The following FAR2 variants were observed in gnomAD, a reference collection of about 807,000 sequenced individuals.
FAR2 encodes epididymis secretory protein Li 81.
FAR2 carries 19 observed loss-of-function variants against 56.0 expected under a neutral mutation model. That is an observed-to-expected ratio of 0.34 (90% CI 0.24 to 0.50). FAR2 has a LOEUF of 0.50. FAR2 is among the 20% of genes least tolerant of loss of function. FAR2 has a pLI of 0.98. For synonymous variants in FAR2, 219 were observed against 218.8 expected (o/e 1.00, Z -0.01); for missense variants, 508 against 642.2 (o/e 0.79, Z 2.26).
intron 1 of FAR2, among the ~76,000 whole-genome samples, chr12:29,234,346 G>A (rs1947903222): frequency 6.6e-6 from 1 of 152,066 alleles, no homozygotes; most frequent in Non-Finnish European, 1.5e-5. Context: ...CAGCACCTGT[G>A]TACTTATCTT....
At chr12:29,189,880 G>A (rs1326596727) in intron 1 of FAR2, among the ~76,000 whole-genome samples, 1 of 152,168 alleles carries the variant, frequency 6.6e-6, no homozygotes, top group African/African-American at 2.4e-5. Context: ...TTTGAATTAG[G>A]ATGGTAACAA....
At chr12:29,319,210 C>T (rs1056296762) in intron 9 of FAR2, among the ~76,000 whole-genome samples, 3 of 151,930 alleles carry the variant, frequency 2.0e-5, no homozygotes, top group Non-Finnish European at 2.9e-5. Flanking sequence ...AGGCTGGTCT[C>T]GAACTCCTGA....
chr12:29,222,448 AG>A (rs2136640598), intron 1 of FAR2, among the ~76,000 whole-genome samples: 1 of 152,298 alleles, frequency 6.6e-6, no homozygotes, highest in East Asian at 1.9e-4. Flanking sequence ...AATAGGGACA[AG>A]TGGGGATTTA....
rs113316033 is a variant in FAR2 at position 29,264,660 on chromosome 12, G to GGAGA, written c.-38-5740_-38-5737dup. Among the ~76,000 whole-genome samples, 722 of 89,374 alleles carry GGAGA rather than the reference G, an allele frequency of 8.1e-3. 28 individuals are homozygous for GGAGA. The East Asian group carries it at 0.11, about 13-fold the overall frequency. The allele number at this position is 89,374 out of a possible 152,430, so 58.6% of individuals were successfully genotyped here. On this transcript the variant is annotated intron_variant, in intron 1 of 11. Coordinates refer to ENST00000536681, the MANE Select transcript of FAR2 (RefSeq NM_001271783.2). ...ATAAATAAATAAATAAATAAATAAA[G>GGAGA]GAGAGAGAGAGAGAGGAGGAGAGGG...
chr12:29,234,487 G>GT (rs1947907026), intron 1 of FAR2, among the ~76,000 whole-genome samples: 1 of 151,984 alleles, frequency 6.6e-6, no homozygotes, highest in African/African-American at 2.4e-5. Context: ...GCTATATTTT[G>GT]ATTCAGGCTC....
At chr12:29,275,855 A>G (rs940847736) in intron 2 of FAR2, among the ~76,000 whole-genome samples, 4 of 152,142 alleles carry the variant, frequency 2.6e-5, no homozygotes, top group Admixed American at 1.3e-4. Flanking sequence ...ATTATACTCT[A>G]TGTAACTTAT....
At position 29,311,122 on chromosome 12, in the gene FAR2, T is replaced by G. The variant is rs773372384; in HGVS notation, c.863T>G (p.Val288Gly). The G allele has an allele frequency of 6.2e-7, 1 of 1,612,888 alleles. No homozygotes were observed. Among genetic ancestry groups the G allele is most frequent in the Non-Finnish European group, 8.5e-7 (1 of 1,179,014 alleles). ...VDTVVNLMLA[V>G]GWYTAVHRPK... ...ACAGTCGTCAATCTCATGCTAGCTG[T>G]AGGATGGTATACTGCAGTTCACAGG... Residue 288 changes from valine to glycine, a missense_variant, in exon 7 of 12, where the codon GTA becomes GGA. Coordinates refer to ENST00000536681, the MANE Select transcript of FAR2 (RefSeq NM_001271783.2).
chr12:29,265,019 T>G (rs930083252), intron 1 of FAR2, among the ~76,000 whole-genome samples: 1 of 152,124 alleles, frequency 6.6e-6, no homozygotes, highest in African/African-American at 2.4e-5. Flanking sequence ...TGGAAGAAAT[T>G]GACAAGAACA....
chr12:29,167,052 GC>G (rs1949836727), intron 1 of FAR2, among the ~76,000 whole-genome samples: 1 of 152,046 alleles, frequency 6.6e-6, no homozygotes, highest in Non-Finnish European at 1.5e-5. Flanking sequence ...TTTGGATCTT[GC>G]CAATAATCGA....
intron 8 of FAR2, among the ~76,000 whole-genome samples, chr12:29,314,432 C>CT (rs35073792): frequency 0.38 from 54,173 of 143,832 alleles, 10,535 homozygotes; most frequent in Admixed American, 0.48. Flanking sequence ...CCCTGTAGAT[C>CT]TTTTTTTTTT....
At chr12:29,246,405 C>T (rs947043805) in intron 1 of FAR2, among the ~76,000 whole-genome samples, 2 of 152,090 alleles carry the variant, frequency 1.3e-5, no homozygotes, top group Non-Finnish European at 2.9e-5. Context: ...GGAGGCAGGC[C>T]CTCAGAAAAT....
At chr12:29,241,813 C>T (rs1948041090) in intron 1 of FAR2, among the ~76,000 whole-genome samples, 1 of 152,196 alleles carries the variant, frequency 6.6e-6, no homozygotes, top group African/African-American at 2.4e-5. Context: ...TCCGAGGAGG[C>T]AGGAGCACCT....
rs184218072 is a variant in FAR2 at position 29,170,083 on chromosome 12, G to T, written c.-39+20676G>T. Among the ~76,000 whole-genome samples the T allele has an allele frequency of 2.0e-3, 298 of 152,294 alleles. 1 individual carries two copies. The highest frequency in any genetic ancestry group is 7.0e-3 in the South Asian group (34 of 4,830). Reference sequence around the variant, plus strand: ...ATTCAGCCCATATTAACTTAGAATTGGTATAGATGGCTCCTTCCTGATTCT... The same window carrying T: ...ATTCAGCCCATATTAACTTAGAATTTGTATAGATGGCTCCTTCCTGATTCT... On this transcript the variant is annotated intron_variant, in intron 1 of 11. Transcript: ENST00000536681.
At chr12:29,252,012 A>G (rs915680430) in intron 1 of FAR2, among the ~76,000 whole-genome samples, 10 of 152,148 alleles carry the variant, frequency 6.6e-5, no homozygotes, top group Admixed American at 1.3e-4. Flanking sequence ...ATGCTGCCAC[A>G]AAGAGACCTA....
rs76510718 is a variant in FAR2 at position 29,198,807 on chromosome 12, G to T, written c.-39+49400G>T. 3.1e-3 allele frequency among the ~76,000 whole-genome samples: 478 copies of T among 151,980 alleles called. 1 individual carries two copies. The highest frequency in any genetic ancestry group is 0.011 in the African/African-American group (455 of 41,450). On this transcript the variant is annotated intron_variant, in intron 1 of 11. Coordinates refer to ENST00000536681, the MANE Select transcript of FAR2 (RefSeq NM_001271783.2). ...TCATAACCACTATTTTCTTTCCTAT[G>T]CCCCCTCATCGCACCCCCTGCCTCT...
intron 10 of FAR2, among the ~76,000 whole-genome samples, chr12:29,326,407 C>T (rs1375683558): frequency 6.6e-6 from 1 of 151,870 alleles, no homozygotes; most frequent in Non-Finnish European, 1.5e-5. Flanking sequence ...TTTTATGAGG[C>T]CAGCATCATC....
chr12:29,209,803 G>T (rs1947522546), intron 1 of FAR2, among the ~76,000 whole-genome samples: 1 of 152,080 alleles, frequency 6.6e-6, no homozygotes, highest in Non-Finnish European at 1.5e-5. Context: ...TTTAATTTCA[G>T]CCCTGCCTCA....
At chr12:29,249,148 A>AAGTGTCCATGAAATCTTTAC (rs1948171272) in intron 1 of FAR2, among the ~76,000 whole-genome samples, 1 of 152,220 alleles carries the variant, frequency 6.6e-6, no homozygotes, top group Non-Finnish European at 1.5e-5. Flanking sequence ...GGGAAGTGAT[A>AAGTGTCCATGAAATCTTTAC]AGTGTCCATG....
At chr12:29,299,807 T>C (rs1949132230) in intron 4 of FAR2, among the ~76,000 whole-genome samples, 2 of 152,198 alleles carry the variant, frequency 1.3e-5, no homozygotes, top group Non-Finnish European at 1.5e-5. Flanking sequence ...GAAACTCTGT[T>C]TGTCCCTAGA....
Sources: gnomAD v4.1 joint callset for allele counts (sites outside exome capture counted in the v4.1 genomes callset) on GRCh38, gnomAD v4.1.1 for gene constraint, MANE v1.5 for transcripts, NCBI Gene and HGNC (gene_info 2026-07-23, HGNC 2026-07-21) for gene names.